The following FH variants were observed in gnomAD, a reference collection of about 807,000 sequenced individuals.
FH encodes fumarate hydratase.
Under a neutral mutation model 49.4 loss-of-function variants are expected in FH, and 22 were observed. The ratio of observed to expected loss-of-function variants is 0.45; its 90% CI spans 0.32 to 0.64. The LOEUF (loss-of-function observed/expected upper bound fraction) is 0.64, where lower values mean the gene tolerates loss of function less well. Among genes scored for constraint, FH ranks in the 30% least tolerant of loss-of-function variants. The pLI, the probability that FH is intolerant of heterozygous loss-of-function variation, is 0.05. For synonymous variants in FH, 208 were observed against 223.0 expected (o/e 0.93, Z 0.60); for missense variants, 526 against 641.5 (o/e 0.82, Z 1.95).
At chr1:241,511,068 C>T (rs1660071354) in intron 4 of FH, among the ~76,000 whole-genome samples, 1 of 152,220 alleles carries the variant, frequency 6.6e-6, no homozygotes, top group African/African-American at 2.4e-5. Flanking sequence ...TACCTGACCA[C>T]TGCTTTCAAA....
chr1:241,501,919 CAG>C (rs1659791543), intron 8 of FH, among the ~76,000 whole-genome samples: 1 of 152,160 alleles, frequency 6.6e-6, no homozygotes, highest in African/African-American at 2.4e-5. Flanking sequence ...CGAAGTCTGA[CAG>C]GGGGCAGAAG....
At chr1:241,500,026 A>G (rs1334850612) in intron 9 of FH, among the ~76,000 whole-genome samples, 3 of 152,180 alleles carry the variant, frequency 2.0e-5, no homozygotes, top group Non-Finnish European at 4.4e-5. Context: ...CAACAAAATT[A>G]AAGCATTGTA....
At chr1:241,519,487 G>A (rs2147926696) in intron 1 of FH, 104 bp downstream of exon 1, 1 of 1,383,484 alleles carries the variant, frequency 7.2e-7, no homozygotes, top group Middle Eastern at 2.6e-4. Context: ...GCGCGGCCCG[G>A]ACGCCCGGGG....
intron 1 of FH, among the ~76,000 whole-genome samples, chr1:241,517,573 T>C (rs568408492): frequency 7.0e-4 from 106 of 152,316 alleles, no homozygotes; most frequent in African/African-American, 2.5e-3. Flanking sequence ...ATAAAGACTT[T>C]GAAATACAAA....
chr1:241,514,046 T>C (rs1407604791), intron 2 of FH, among the ~76,000 whole-genome samples: 1 of 152,206 alleles, frequency 6.6e-6, no homozygotes, highest in Non-Finnish European at 1.5e-5. Flanking sequence ...ATTATATGTG[T>C]TTATTTCATA....
rs1558400468 is a variant in FH, at chr1:241,511,977, T to C, written c.545A>G (p.Asn182Ser). 6.2e-7 allele frequency: 1 copy of C among 1,613,938 alleles called. No individual in the cohort carries two copies. Among genetic ancestry groups the C allele is most frequent in the East Asian group, 2.2e-5 (1 of 44,866 alleles). Reference protein sequence around the residue: ...KIPVHPNDHVNKSQSSNDTFP... With the variant: ...KIPVHPNDHVSKSQSSNDTFP... ...AGCTCACATACTGACCTGGCTTTTATTAACATGATCGTTGGGATGCACAGG... is the reference window on the plus strand; with the variant it reads ...AGCTCACATACTGACCTGGCTTTTACTAACATGATCGTTGGGATGCACAGG... The change falls in exon 4 of 10, where the codon AAT becomes AGT. Residue 182 changes from asparagine to serine, a missense_variant. Asn to Ser is a conservative substitution (Grantham distance 46). Coordinates refer to ENST00000366560, the MANE Select transcript of FH (RefSeq NM_000143.4).
chr1:241,513,592 T>A lies in FH; in HGVS notation c.378+11A>T. 15 of 1,598,422 alleles carry A rather than the reference T, an allele frequency of 9.4e-6. No individual in the cohort carries two copies. The highest frequency in any genetic ancestry group is 1.3e-5 in the Non-Finnish European group (15 of 1,165,760). ...TGAGGTTATTAAGCAAACACACTTA[T>A]CACCTCCTACCTCATCTGCTGCCTT... On this transcript the variant is annotated intron_variant, in intron 3 of 9. Coordinates refer to ENST00000366560, the MANE Select transcript of FH (RefSeq NM_000143.4).
intron 2 of FH, among the ~76,000 whole-genome samples, chr1:241,516,859 G>A (rs1660229077): frequency 6.6e-6 from 1 of 151,018 alleles, no homozygotes; most frequent in Non-Finnish European, 1.5e-5. Flanking sequence ...CACCATGTTG[G>A]CCAGGATGGT....
rs1279654001 is a variant in FH at position 241,510,408 on chromosome 1, T to A, written c.555+1559A>T. On this transcript the variant is annotated intron_variant, in intron 4 of 9. Transcript: ENST00000366560. ...TTGGGTTCCCAGAGCTGAAAGAATT[T>A]AAGCAACAATATAAACAAAAGTATG... Among the ~76,000 whole-genome samples, 6 of 152,078 alleles carry A rather than the reference T, an allele frequency of 3.9e-5. No individual in the cohort carries two copies. The East Asian group carries it at 9.6e-4, about 24-fold the overall frequency.
chr1:241,508,823 A>G (rs770360666), intron 4 of FH, 38 bp from the exon 5 acceptor site: 2 of 1,577,054 alleles, frequency 1.3e-6, no homozygotes, highest in South Asian at 2.3e-5. Flanking sequence ...AAAATGTTAA[A>G]TCAGAGGCAA....
intron 9 of FH, 149 bp from the exon 10 acceptor site, chr1:241,498,119 TC>T: frequency 1.4e-6 from 1 of 719,158 alleles, no homozygotes; most frequent in Non-Finnish European, 2.4e-6. Context: ...ACAGTGATTA[TC>T]TCAATAATCA....
chr1:241,502,595 A>G (rs767865646), intron 7 of FH, 25 bp from the exon 8 acceptor site: 2 of 1,612,982 alleles, frequency 1.2e-6, no homozygotes, highest in Non-Finnish European at 1.7e-6. Flanking sequence ...CCAATGACAG[A>G]GTAAAGACTA....
At chr1:241,517,642 A>G (rs537472935) in intron 1 of FH, among the ~76,000 whole-genome samples, 30 of 152,176 alleles carry the variant, frequency 2.0e-4, no homozygotes, top group Non-Finnish European at 3.7e-4. Flanking sequence ...GGCCAATTCA[A>G]TGTACTTAGT....
rs539866593 is a variant in FH at position 241,502,705 on chromosome 1, A to C, written c.1109-135T>G. 1.6e-5 allele frequency: 17 copies of C among 1,069,338 alleles called. No homozygotes were observed. The Admixed American group carries it at 1.6e-4, about 10-fold the overall frequency. 66.2% of individuals were successfully genotyped at this position (1,069,338 alleles called of 1,614,324 possible). On this transcript the variant is annotated intron_variant, in intron 7 of 9. Transcript: ENST00000366560. ...CCCAACCATCAGTGTAATTTAATGAAACAAACCAACCAAGGAAGGTGGGAT... is the reference window on the plus strand; with the variant it reads ...CCCAACCATCAGTGTAATTTAATGACACAAACCAACCAAGGAAGGTGGGAT...
intron 8 of FH, among the ~76,000 whole-genome samples, chr1:241,501,449 T>C (rs1415858886): frequency 6.6e-6 from 1 of 152,202 alleles, no homozygotes; most frequent in African/African-American, 2.4e-5. Flanking sequence ...GTTTGGAATC[T>C]GACCTGAGAG....
rs56361117 is a variant in FH at position 241,498,694 on chromosome 1, C to CATATATATATAT, written c.1391-736_1391-725dup. Among the ~76,000 whole-genome samples the CATATATATATAT allele has an allele frequency of 4.5e-3, 238 of 53,106 alleles. 15 individuals are homozygous for CATATATATATAT. The highest frequency in any genetic ancestry group is 5.5e-3 in the Non-Finnish European group (154 of 27,960). The allele number at this position is 53,106 out of a possible 152,430, so 34.8% of individuals were successfully genotyped here. A position where few individuals can be genotyped will look rare whatever the true frequency, so the allele number is the denominator to read the frequency against. ...AGGGCAGTTCTGCAAGCTGTCTTAA[C>CATATATATATAT]ATATATATATATATATATATATATA... On this transcript the variant is annotated intron_variant, in intron 9 of 9. Coordinates refer to ENST00000366560, the MANE Select transcript of FH (RefSeq NM_000143.4).
At chr1:241,498,694 C>CATTATATATATATAT (rs1659685963) in intron 9 of FH, among the ~76,000 whole-genome samples, 1 of 53,166 alleles carries the variant, frequency 1.9e-5, no homozygotes, top group Non-Finnish European at 3.6e-5. Flanking sequence ...GCTGTCTTAA[C>CATTATATATATATAT]ATATATATAT....
At chr1:241,512,857 T>C (rs1031754906) in intron 3 of FH, among the ~76,000 whole-genome samples, 2 of 152,120 alleles carry the variant, frequency 1.3e-5, no homozygotes. Context: ...TATTGCTCAG[T>C]AATTATGACT....
intron 2 of FH, among the ~76,000 whole-genome samples, chr1:241,516,425 A>G (rs1201127412): frequency 6.6e-6 from 1 of 152,190 alleles, no homozygotes; most frequent in African/African-American, 2.4e-5. Context: ...CCAAACCCGC[A>G]TGTTCTCACT....
Sources: allele counts gnomAD v4.1 joint callset (sites outside exome capture counted in the v4.1 genomes callset), GRCh38; gene constraint gnomAD v4.1.1; transcripts MANE v1.5; gene names NCBI Gene and HGNC (gene_info 2026-07-23, HGNC 2026-07-21).